PTPRR: variants seen among roughly 807,000 people sequenced by gnomAD.
PTPRR encodes receptor-type tyrosine-protein phosphatase R.
In PTPRR, 38 loss-of-function variants were observed where a neutral mutation model predicts 77.2. That is an observed-to-expected ratio of 0.49 (90% CI 0.38 to 0.65). PTPRR has a LOEUF of 0.65. Among genes scored for constraint, PTPRR ranks in the 30% least tolerant of loss-of-function variants. The pLI, the probability that PTPRR is intolerant of heterozygous loss-of-function variation, is 0.00. For missense variants in PTPRR, 744 were observed against 799.2 expected (o/e 0.93, Z 0.83); for synonymous variants, 299 against 283.1 (o/e 1.06, Z -0.57).
intron 2 of PTPRR, among the ~76,000 whole-genome samples, chr12:70,863,149 A>G (rs560112954): frequency 1.3e-5 from 2 of 152,304 alleles, no homozygotes; most frequent in African/African-American, 4.8e-5. Context: ...ACTAGCATTG[A>G]TCAAATTACA....
intron 2 of PTPRR, among the ~76,000 whole-genome samples, chr12:70,820,427 G>A (rs531821910): frequency 2.5e-4 from 38 of 152,236 alleles, no homozygotes; most frequent in Admixed American, 1.3e-3. Context: ...TCCGCTTCCC[G>A]AGTTCACGCC....
chr12:70,641,963 C>G (rs1055276983), intron 13 of PTPRR, among the ~76,000 whole-genome samples: 1 of 152,194 alleles, frequency 6.6e-6, no homozygotes, highest in African/African-American at 2.4e-5. Context: ...CTCAATATTT[C>G]TGTACAGCCT....
At chr12:70,650,258 C>T (rs1482687814) in intron 13 of PTPRR, among the ~76,000 whole-genome samples, 1 of 151,984 alleles carries the variant, frequency 6.6e-6, no homozygotes, top group Non-Finnish European at 1.5e-5. Flanking sequence ...GCCTGGCCAA[C>T]ATGGTGAAAT....
chr12:70,831,127 A>G (rs1297731557), intron 2 of PTPRR, among the ~76,000 whole-genome samples: 1 of 152,222 alleles, frequency 6.6e-6, no homozygotes. Context: ...TGAGTTCCTT[A>G]GAACATTAGT....
chr12:70,917,903 AC>A (rs1893798022), intron 1 of PTPRR, among the ~76,000 whole-genome samples: 1 of 152,202 alleles, frequency 6.6e-6, no homozygotes, highest in African/African-American at 2.4e-5. Context: ...AGTTGCTGAT[AC>A]CCTGGGCGTA....
intron 6 of PTPRR, among the ~76,000 whole-genome samples, chr12:70,737,448 G>A (rs1258653068): frequency 6.6e-6 from 1 of 151,844 alleles, no homozygotes; most frequent in Non-Finnish European, 1.5e-5. Flanking sequence ...GAAAATGAGA[G>A]AGTTGGATCC....
At chr12:70,794,788 T>C (rs983964124) in intron 2 of PTPRR, among the ~76,000 whole-genome samples, 16 of 152,172 alleles carry the variant, frequency 1.1e-4, no homozygotes, top group African/African-American at 2.9e-4. Context: ...CCTGGAAACC[T>C]TGACATAGCC....
In PTPRR at chr12:70,857,462, T is replaced by C. The variant is rs373580509; in HGVS notation, c.357+35217A>G. Among the ~76,000 whole-genome samples the C allele has an allele frequency of 2.6e-5, 4 of 152,304 alleles. No individual in the cohort carries two copies. The East Asian group carries it at 5.8e-4, about 22-fold the overall frequency. ...AAACTGAGAAAGTAGAGAATGAGGA[T>C]AGACTACTCTTTCAAGGTGCCTGAC... On this transcript the variant is annotated intron_variant, in intron 2 of 13. Transcript: ENST00000283228.
intron 2 of PTPRR, among the ~76,000 whole-genome samples, chr12:70,818,105 A>G (rs939367555): frequency 1.7e-4 from 26 of 152,104 alleles, no homozygotes; most frequent in African/African-American, 6.0e-4. Flanking sequence ...CTAGCTACTC[A>G]GGAGGCTGAG....
Position 70,701,325 on chromosome 12 carries a change from T to C in PTPRR, c.1008-2A>G. The C allele has an allele frequency of 6.2e-7, 1 of 1,612,100 alleles. No homozygotes were observed. The highest frequency in any genetic ancestry group is 8.5e-7 in the Non-Finnish European group (1 of 1,178,508). On this transcript the variant is annotated splice_acceptor_variant, in intron 6 of 13. Coordinates refer to ENST00000283228, the MANE Select transcript of PTPRR (RefSeq NM_002849.4). LOFTEE classifies it high-confidence loss of function. ...GTAAGAGATACGTTGGACCCTCTTC[T>C]ACATTGGAGAAGAATGTTATGTTTA...
At chr12:70,733,446 G>A (rs200260041) in intron 6 of PTPRR, among the ~76,000 whole-genome samples, 1,820 of 72,926 alleles carry the variant, frequency 0.025, 40 homozygotes, top group African/African-American at 0.057. Context: ...AAAAAAAAAA[G>A]AAAGAAAAAA....
chr12:70,704,078 A>G (rs1204817938), intron 6 of PTPRR, among the ~76,000 whole-genome samples: 2 of 152,106 alleles, frequency 1.3e-5, no homozygotes, highest in African/African-American at 4.8e-5. Flanking sequence ...AGGCTTATGT[A>G]AGAGAGATGA....
chr12:70,770,948 G>C (rs556194396), intron 2 of PTPRR, among the ~76,000 whole-genome samples: 1 of 141,492 alleles, frequency 7.1e-6, no homozygotes, highest in African/African-American at 2.6e-5. Flanking sequence ...GGTGGGAATT[G>C]AACAATGAGA....
chr12:70,853,637 T>C (rs1048985831), intron 2 of PTPRR, among the ~76,000 whole-genome samples: 12 of 152,194 alleles, frequency 7.9e-5, no homozygotes, highest in African/African-American at 2.9e-4. Context: ...TTTTGCTTCT[T>C]GTACCAAGCC....
intron 2 of PTPRR, among the ~76,000 whole-genome samples, chr12:70,868,935 C>CA (rs1892910944): frequency 6.8e-6 from 1 of 147,318 alleles, no homozygotes; most frequent in African/African-American, 2.5e-5. Flanking sequence ...ATCACAAGGA[C>CA]AAAAAACCAA....
At chr12:70,878,827 A>G (rs1286128564) in intron 2 of PTPRR, among the ~76,000 whole-genome samples, 1 of 152,210 alleles carries the variant, frequency 6.6e-6, no homozygotes, top group East Asian at 1.9e-4. Context: ...CACTATTCAC[A>G]ATAGCAAAGA....
At chr12:70,837,127 A>G (rs1892319205) in intron 2 of PTPRR, among the ~76,000 whole-genome samples, 2 of 152,070 alleles carry the variant, frequency 1.3e-5, no homozygotes, top group Admixed American at 1.3e-4. Flanking sequence ...AAGCAGAGAT[A>G]AAAGAAATTG....
At chr12:70,680,638 G>A (rs769575495) in intron 10 of PTPRR, among the ~76,000 whole-genome samples, 10 of 152,204 alleles carry the variant, frequency 6.6e-5, no homozygotes, top group Non-Finnish European at 1.0e-4. Flanking sequence ...GCTGTGAGAT[G>A]CATACATGGC....
intron 1 of PTPRR, among the ~76,000 whole-genome samples, chr12:70,918,349 G>A (rs1233735705): frequency 6.6e-6 from 1 of 152,290 alleles, no homozygotes; most frequent in Non-Finnish European, 1.5e-5. Context: ...TGAATACAAT[G>A]AATAGTATCT....
Sources: allele counts gnomAD v4.1 joint callset (sites outside exome capture counted in the v4.1 genomes callset), GRCh38; gene constraint gnomAD v4.1.1; transcripts MANE v1.5; gene names NCBI Gene and HGNC (gene_info 2026-07-23, HGNC 2026-07-21).